Variants in IL1RAPL2 observed in about 807,000 individuals in gnomAD.
The protein encoded by IL1RAPL2 is X-linked interleukin-1 receptor accessory protein-like 2.
A neutral mutation model predicts 44.1 loss-of-function variants in IL1RAPL2; 3 were observed. The observed-to-expected ratio is 0.07, with a 90% CI of 0.03 to 0.18. The LOEUF (loss-of-function observed/expected upper bound fraction) is 0.18, where lower values mean the gene tolerates loss of function less well. Among genes scored for constraint, IL1RAPL2 ranks in the 10% least tolerant of loss-of-function variants. The pLI is 1.00. For missense variants in IL1RAPL2, 391 were observed against 496.4 expected (o/e 0.79, Z 2.02); for synonymous variants, 181 against 178.8 (o/e 1.01, Z -0.10).
At chrX:105,082,272 C>A (rs1174699345) in intron 2 of IL1RAPL2, among the ~76,000 whole-genome samples, 4 of 111,656 alleles carry the variant, frequency 3.6e-5, no homozygotes, top group Admixed American at 9.6e-5. Context: ...TAGAGGTGTT[C>A]ATAGTATTCT....
intron 3 of IL1RAPL2, among the ~76,000 whole-genome samples, chrX:105,214,774 CTCGGACCACAGTGCAATCAAA>C (rs1441330074): frequency 1.8e-5 from 2 of 111,925 alleles, no homozygotes; most frequent in Non-Finnish European, 3.8e-5. Flanking sequence ...ATAACAGTCT[CTCGGACCACAGTGCAATCAAA>C]TTAGAGCTCA....
chrX:105,127,249 A>G (rs2147575514), intron 2 of IL1RAPL2, among the ~76,000 whole-genome samples: 1 of 111,504 alleles, frequency 9.0e-6, no homozygotes, highest in South Asian at 3.7e-4. Flanking sequence ...AATGGTTTCG[A>G]TATTTGGAAG....
intron 2 of IL1RAPL2, among the ~76,000 whole-genome samples, chrX:104,699,175 G>A (rs1186631636): frequency 1.8e-5 from 2 of 111,586 alleles, no homozygotes. Context: ...TGGACTTGGT[G>A]GGGGGATGGT....
intron 9 of IL1RAPL2, among the ~76,000 whole-genome samples, chrX:105,749,742 G>C (rs1318751231): frequency 8.9e-6 from 1 of 111,932 alleles, no homozygotes; most frequent in Non-Finnish European, 1.9e-5. Context: ...TATCGATAAA[G>C]CAGTGTACTG....
chrX:104,828,540 A>C (rs1219506462), intron 2 of IL1RAPL2, among the ~76,000 whole-genome samples: 1 of 109,738 alleles, frequency 9.1e-6, no homozygotes, highest in Non-Finnish European at 1.9e-5. Flanking sequence ...GTCAACTAGA[A>C]CTCTCCTGCA....
At chrX:105,021,994 T>G (rs1336434859) in intron 2 of IL1RAPL2, among the ~76,000 whole-genome samples, 1 of 110,976 alleles carries the variant, frequency 9.0e-6, no homozygotes, top group South Asian at 3.8e-4. Flanking sequence ...AATTGGTAAG[T>G]GTATGGAGGT....
intron 5 of IL1RAPL2, among the ~76,000 whole-genome samples, chrX:105,274,010 T>G (rs1420153055): frequency 8.9e-6 from 1 of 111,999 alleles, no homozygotes; most frequent in Non-Finnish European, 1.9e-5. Context: ...CAGATGTAGC[T>G]TTTTAATCAC....
intron 2 of IL1RAPL2, among the ~76,000 whole-genome samples, chrX:104,780,444 A>G (rs1407661735): frequency 1.8e-5 from 2 of 111,828 alleles, no homozygotes; most frequent in Non-Finnish European, 3.8e-5. Flanking sequence ...AGTTGCCAGA[A>G]TGGCTAGGAA....
chrX:105,004,353 G>A (rs1035923209), intron 2 of IL1RAPL2, among the ~76,000 whole-genome samples: 3 of 110,600 alleles, frequency 2.7e-5, no homozygotes, highest in Non-Finnish European at 5.7e-5. Context: ...TATTAAAAGA[G>A]GCTGACATCA....
At chrX:104,873,605 A>G (rs1265759868) in intron 2 of IL1RAPL2, among the ~76,000 whole-genome samples, 1 of 111,118 alleles carries the variant, frequency 9.0e-6, no homozygotes, top group African/African-American at 3.3e-5. Context: ...TTCAATTCAG[A>G]GGAGGAAGAG....
intron 5 of IL1RAPL2, among the ~76,000 whole-genome samples, chrX:105,436,021 C>T (rs79080668): frequency 1.8e-3 from 198 of 110,900 alleles, no homozygotes; most frequent in African/African-American, 6.2e-3. Context: ...CAAACCTACA[C>T]GTCTGCACAT....
At chrX:105,557,948 G>A (rs2036907692) in intron 6 of IL1RAPL2, among the ~76,000 whole-genome samples, 1 of 110,926 alleles carries the variant, frequency 9.0e-6, no homozygotes, top group Non-Finnish European at 1.9e-5. Context: ...ACCTTCTTTG[G>A]GATGCTTTAT....
chrX:104,692,235 T>A (rs1255280849), intron 2 of IL1RAPL2, among the ~76,000 whole-genome samples: 1 of 111,186 alleles, frequency 9.0e-6, no homozygotes, highest in African/African-American at 3.3e-5. Flanking sequence ...ATATCAAATG[T>A]AGTCCATATC....
chrX:104,635,112 G>T (rs1373981568), intron 1 of IL1RAPL2, among the ~76,000 whole-genome samples: 1 of 111,056 alleles, frequency 9.0e-6, no homozygotes, highest in Admixed American at 9.6e-5. Flanking sequence ...AGCTTAATTT[G>T]GCTGGATATG....
intron 2 of IL1RAPL2, among the ~76,000 whole-genome samples, chrX:104,715,680 T>A (rs867644642): frequency 1.0e-5 from 1 of 98,890 alleles, no homozygotes; most frequent in Non-Finnish European, 2.0e-5. Context: ...TCACAATTGC[T>A]AAAAAAAAAA....
rs146102705 is a variant in IL1RAPL2 at position 105,139,117 on chromosome X, G to A, written c.83-56358G>A. ...AGGAACTATAGAGCACAGCACTTCC[G>A]CCTGCTCCTTCTCCCAGCATTCACA... On this transcript the variant is annotated intron_variant, in intron 2 of 10. Coordinates refer to ENST00000372582, the MANE Select transcript of IL1RAPL2 (RefSeq NM_017416.2). 3.9e-3 allele frequency among the ~76,000 whole-genome samples: 433 copies of A among 111,722 alleles called. 2 individuals are homozygous for A. Among genetic ancestry groups the A allele is most frequent in the African/African-American group, 0.013 (409 of 30,794 alleles).
intron 3 of IL1RAPL2, chrX:105,220,588 G>T (rs1377658048): frequency 5.3e-5 from 20 of 375,781 alleles, no homozygotes; most frequent in Non-Finnish European, 9.0e-5. Flanking sequence ...CTCCCACCAG[G>T]CCTCACCTCT....
At chrX:104,728,109 G>T (rs966489791) in intron 2 of IL1RAPL2, among the ~76,000 whole-genome samples, 1 of 110,324 alleles carries the variant, frequency 9.1e-6, no homozygotes, top group Non-Finnish European at 1.9e-5. Flanking sequence ...TAAAAATAAA[G>T]AAAAAGAAAA....
At chrX:105,040,365 G>T (rs750440665) in intron 2 of IL1RAPL2, among the ~76,000 whole-genome samples, 43 of 111,345 alleles carry the variant, frequency 3.9e-4, no homozygotes, top group African/African-American at 1.4e-3. Flanking sequence ...GTCTCTGCCA[G>T]GCTTTGGTAT....
Sources: gnomAD v4.1 joint callset for allele counts (sites outside exome capture counted in the v4.1 genomes callset) on GRCh38, gnomAD v4.1.1 for gene constraint, MANE v1.5 for transcripts, NCBI Gene and HGNC (gene_info 2026-07-23, HGNC 2026-07-21) for gene names.